PLA2G2C: variants seen among roughly 807,000 people sequenced by gnomAD.
PLA2G2C encodes the protein phospholipase A2 group IIC.
In PLA2G2C, 15 loss-of-function variants were observed where a neutral mutation model predicts 14.3. The ratio of observed to expected loss-of-function variants is 1.05; its 90% CI spans 0.70 to 1.62. The LOEUF (loss-of-function observed/expected upper bound fraction) is 1.62. PLA2G2C is among the 40% of genes most tolerant of loss of function. The pLI is 0.00. For missense variants in PLA2G2C, 162 were observed against 173.2 expected (o/e 0.94, Z 0.36); for synonymous variants, 79 against 67.7 (o/e 1.17, Z -0.82).
intron 1 of PLA2G2C, among the ~76,000 whole-genome samples, chr1:20,184,827 G>A (rs920014585): frequency 2.6e-5 from 4 of 152,042 alleles, no homozygotes; most frequent in African/African-American, 7.2e-5. Flanking sequence ...GGGAGGTTTC[G>A]CAAGCAAAAC....
At chr1:20,171,795 T>C (rs903519646) in intron 4 of PLA2G2C, among the ~76,000 whole-genome samples, 1 of 137,280 alleles carries the variant, frequency 7.3e-6, no homozygotes, top group Non-Finnish European at 1.5e-5. Context: ...GGAGTCTCGC[T>C]CTGTGGCCCA....
At position 20,164,265 on chromosome 1, in the gene PLA2G2C, A is replaced by G. The variant is rs989633296; in HGVS notation, c.284-108T>C. 19 of 1,156,240 alleles carry G rather than the reference A, an allele frequency of 1.6e-5. No homozygotes were observed. In the African/African-American group the frequency reaches 2.2e-4, roughly 13 times the overall value. 71.6% of individuals were successfully genotyped at this position (1,156,240 alleles called of 1,614,324 possible). On this transcript the variant is annotated intron_variant, in intron 4 of 4. Transcript: ENST00000679259. ...CTGTAAGGGGCCAAGGGTTAAGGAC[A>G]GAAAGGAAAGCCACTGAAAGGGATA...
At chr1:20,165,094 T>C (rs1279331606) in intron 4 of PLA2G2C, among the ~76,000 whole-genome samples, 1 of 152,210 alleles carries the variant, frequency 6.6e-6, no homozygotes, top group Non-Finnish European at 1.5e-5. Flanking sequence ...CACCAGCTTC[T>C]CCACCCTCAT....
At chr1:20,166,630 T>G (rs1425783152) in intron 4 of PLA2G2C, among the ~76,000 whole-genome samples, 2 of 152,234 alleles carry the variant, frequency 1.3e-5, no homozygotes, top group Non-Finnish European at 2.9e-5. Flanking sequence ...TCTCTCTTTC[T>G]GTTGGTCTCA....
In PLA2G2C at chr1:20,177,402, G is replaced by A. The variant is rs991849101; in HGVS notation, c.-39C>T. On this transcript the variant is annotated 5_prime_UTR_variant, in exon 2 of 5. Coordinates refer to ENST00000679259, the MANE Select transcript of PLA2G2C (RefSeq NM_001367969.2). ...AGGGGGTCTGAGGTTCTACAGCCAC[G>A]CCTTCACCTGTGTGTGAGGGGTCTC... 2.3e-5 allele frequency: 15 copies of A among 655,446 alleles called. No individual in the cohort carries two copies. Among genetic ancestry groups the A allele is most frequent in the East Asian group, 1.4e-4 (5 of 36,194 alleles). 40.6% of individuals were successfully genotyped at this position (655,446 alleles called of 1,614,324 possible).
intron 1 of PLA2G2C, among the ~76,000 whole-genome samples, chr1:20,179,212 C>CTGTGTGTGTGTG (rs35377696): frequency 1.3e-5 from 2 of 149,764 alleles, no homozygotes; most frequent in African/African-American, 4.9e-5. Flanking sequence ...GTCAGTTTCT[C>CTGTGTGTGTGTG]TGTGTGTGTG....
chr1:20,180,223 A>G (rs113686987), intron 1 of PLA2G2C, among the ~76,000 whole-genome samples: 2,552 of 152,136 alleles, frequency 0.017, 72 homozygotes, highest in African/African-American at 0.057. Flanking sequence ...CTTTTTTTGC[A>G]TCAGAGTCTG....
intron 1 of PLA2G2C, among the ~76,000 whole-genome samples, chr1:20,185,018 G>T (rs1372105417): frequency 6.6e-6 from 1 of 152,154 alleles, no homozygotes; most frequent in Admixed American, 6.5e-5. Flanking sequence ...GCCAAGCATG[G>T]TGGTGCACGC....
At chr1:20,185,241 G>T (rs929210350) in intron 1 of PLA2G2C, among the ~76,000 whole-genome samples, 17 of 152,216 alleles carry the variant, frequency 1.1e-4, no homozygotes, top group African/African-American at 3.9e-4. Flanking sequence ...GAGACCTCGT[G>T]TTTCTGTTAC....
chr1:20,185,932 A>T (rs1045691605), intron 1 of PLA2G2C, among the ~76,000 whole-genome samples: 28 of 152,288 alleles, frequency 1.8e-4, no homozygotes, highest in African/African-American at 6.0e-4. Flanking sequence ...AGGCCAGGCA[A>T]TCCACTCCAG....
chr1:20,184,172 C>T (rs2018322311), intron 1 of PLA2G2C: 1 of 148,424 alleles, frequency 6.7e-6, no homozygotes, highest in African/African-American at 2.5e-5. Context: ...TGTGCACTGG[C>T]AAAGGCGCGC....
intron 1 of PLA2G2C, 198 bp downstream of exon 1, chr1:20,186,162 G>C (rs1055830760): frequency 1.3e-5 from 2 of 152,598 alleles, no homozygotes; most frequent in East Asian, 3.9e-4. Flanking sequence ...AGGTGAGAGC[G>C]GCTGCCCGAT....
chr1:20,164,625 A>G (rs1340732825), intron 4 of PLA2G2C, among the ~76,000 whole-genome samples: 4 of 152,180 alleles, frequency 2.6e-5, no homozygotes, highest in Non-Finnish European at 4.4e-5. Context: ...CCCAGAGCTC[A>G]TCTCCTATTT....
chr1:20,179,118 T>A (rs2018235288), intron 1 of PLA2G2C, among the ~76,000 whole-genome samples: 1 of 152,240 alleles, frequency 6.6e-6, no homozygotes, highest in Non-Finnish European at 1.5e-5. Flanking sequence ...CTTGCCTTTT[T>A]CAGGATAGCT....
At chr1:20,183,362 C>T (rs1353481334) in intron 1 of PLA2G2C, among the ~76,000 whole-genome samples, 4 of 152,168 alleles carry the variant, frequency 2.6e-5, no homozygotes, top group Non-Finnish European at 5.9e-5. Flanking sequence ...ACGGACAGCA[C>T]AGATAAGGGC....
rs201489309 is a variant in PLA2G2C at position 20,164,087 on chromosome 1, G to A, written c.354C>T (p.Ser118=). The A allele has an allele frequency of 3.3e-5, 54 of 1,613,900 alleles. No individual in the cohort carries two copies. The highest frequency in any genetic ancestry group is 1.3e-4 in the Admixed American group (8 of 60,010). ...RLKACECDKQ[S]VHCFKESLPT... ...GCAGGCTCTCTTTGAAGCAGTGCACGGATTGCTTGTCACACTCACAGGCCT... is the reference window on the plus strand; with the variant it reads ...GCAGGCTCTCTTTGAAGCAGTGCACAGATTGCTTGTCACACTCACAGGCCT... The change falls in exon 5 of 5, where the codon TCC becomes TCT. Residue 118 remains serine (S), a synonymous_variant. Transcript: ENST00000679259.
intron 2 of PLA2G2C, among the ~76,000 whole-genome samples, chr1:20,176,213 C>T (rs1361269495): frequency 6.6e-6 from 1 of 152,116 alleles, no homozygotes; most frequent in East Asian, 1.9e-4. Context: ...ACAACCGCGC[C>T]CGGCCCAGCA....
intron 1 of PLA2G2C, among the ~76,000 whole-genome samples, chr1:20,179,573 C>G (rs944120588): frequency 6.7e-6 from 1 of 149,118 alleles, no homozygotes; most frequent in Admixed American, 6.7e-5. Context: ...CAGCTTCTCC[C>G]TCTATGCTGG....
At chr1:20,167,670 T>C (rs1473539121) in intron 4 of PLA2G2C, among the ~76,000 whole-genome samples, 1 of 152,192 alleles carries the variant, frequency 6.6e-6, no homozygotes, top group Non-Finnish European at 1.5e-5. Context: ...GGGGCAAAAG[T>C]AGAGCATCCT....
Sources: gnomAD v4.1 joint callset for allele counts (sites outside exome capture counted in the v4.1 genomes callset) on GRCh38, gnomAD v4.1.1 for gene constraint, MANE v1.5 for transcripts, NCBI Gene and HGNC (gene_info 2026-07-23, HGNC 2026-07-21) for gene names.